Variants in PP2D1 observed in about 807,000 individuals in gnomAD.
PP2D1 encodes protein phosphatase 2C like domain containing 1.
Under a neutral mutation model 30.2 loss-of-function variants are expected in PP2D1, and 25 were observed. The observed-to-expected ratio is 0.83, with a 90% CI of 0.60 to 1.16. PP2D1 has a LOEUF of 1.16. PP2D1 is among the 50% of genes most tolerant of loss of function. PP2D1 has a pLI of 0.00. For missense variants in PP2D1, 760 were observed against 742.4 expected (o/e 1.02, Z -0.28); for synonymous variants, 260 against 258.9 (o/e 1.00, Z -0.04).
intron 2 of PP2D1, 140 bp from the exon 3 acceptor site, chr3:19,986,322 G>A: frequency 1.7e-6 from 1 of 602,580 alleles, no homozygotes; most frequent in East Asian, 2.9e-5. Flanking sequence ...TTAAATATGT[G>A]TAATATATCA....
At chr3:19,994,671 A>G (rs1184441554) in intron 2 of PP2D1, among the ~76,000 whole-genome samples, 1 of 152,226 alleles carries the variant, frequency 6.6e-6, no homozygotes, top group African/African-American at 2.4e-5. Flanking sequence ...ATACAATAAC[A>G]GTGACTGGAT....
rs1009660251 is a variant in PP2D1 at position 19,985,505 on chromosome 3, A to G, written c.1768T>C (p.Tyr590His). 3 of 1,535,994 alleles carry G rather than the reference A, an allele frequency of 2.0e-6. No homozygotes were observed. The highest frequency in any genetic ancestry group is 2.7e-5 in the African/African-American group (2 of 73,054). Residue 590 changes from tyrosine (Y) to histidine (H), a missense_variant, in exon 3 of 3, where the codon TAT becomes CAT. Around this residue, in one of 3 missense-constraint regions of PP2D1, gnomAD observed 369 missense variants for 316.2 expected, o/e 1.17. Transcript: ENST00000389050. The part of the protein sequence containing the change: ...NEKESDTKSF[Y>H]EGAAEYVSHE... Reference sequence around the variant, plus strand: ...CTAACATACTCAGCTGCGCCTTCATAGAAACTCTTAGTGTCTGATTCTTTT... The same window carrying G: ...CTAACATACTCAGCTGCGCCTTCATGGAAACTCTTAGTGTCTGATTCTTTT...
downstream of PP2D1, among the ~76,000 whole-genome samples, chr3:19,983,205 G>A (rs1017986631): frequency 6.6e-6 from 1 of 151,852 alleles, no homozygotes; most frequent in Non-Finnish European, 1.5e-5. Flanking sequence ...GTGTGGTGGG[G>A]CATGCCTGTA....
At chr3:19,981,430 A>G (rs1043413457), downstream of PP2D1, among the ~76,000 whole-genome samples, 8 of 152,094 alleles carry the variant, frequency 5.3e-5, no homozygotes, top group African/African-American at 1.9e-4. Context: ...CCGGGCCAAC[A>G]TGTCGAAACC....
At chr3:19,990,487 A>G (rs1297145743) in intron 2 of PP2D1, among the ~76,000 whole-genome samples, 1 of 145,254 alleles carries the variant, frequency 6.9e-6, no homozygotes, top group Non-Finnish European at 1.5e-5. Context: ...CATGAAGGAA[A>G]GAAAAAGTGA....
intron 1 of PP2D1, among the ~76,000 whole-genome samples, chr3:20,009,805 T>A (rs1433308306): frequency 6.6e-6 from 1 of 152,246 alleles, no homozygotes; most frequent in Non-Finnish European, 1.5e-5. Context: ...TTTGCCACTT[T>A]ATTTGTATTT....
intron 1 of PP2D1, among the ~76,000 whole-genome samples, chr3:20,003,995 G>C (rs2948103): frequency 0.21 from 32,541 of 152,028 alleles, 3,859 homozygotes; most frequent in South Asian, 0.32. Flanking sequence ...TAGTTTATAA[G>C]GTTAGTGTAA....
At chr3:19,990,753 AT>A (rs34466477) in intron 2 of PP2D1, among the ~76,000 whole-genome samples, 26,650 of 139,890 alleles carry the variant, frequency 0.19, 3,553 homozygotes, top group African/African-American at 0.4. Flanking sequence ...TTAGAGGAAG[AT>A]TTTTTTTTTT....
At chr3:19,983,361 AAAG>A (rs1319582103), downstream of PP2D1, among the ~76,000 whole-genome samples, 1 of 151,752 alleles carries the variant, frequency 6.6e-6, no homozygotes, top group East Asian at 1.9e-4. Context: ...AAAAAAAAAA[AAAG>A]AAGTAATAAT....
intron 1 of PP2D1, 149 bp from the exon 2 acceptor site, chr3:20,002,245 A>G: frequency 1.6e-6 from 1 of 619,394 alleles, no homozygotes; most frequent in Non-Finnish European, 2.8e-6. Context: ...CTCAAAAAAC[A>G]TGTAAGTACT....
In PP2D1 at chr3:20,001,553, G is replaced by A. The variant is rs772388599; in HGVS notation, c.567C>T (p.Phe189=). ...STWKADMNDK[F]TVVSNFGNKP... ...TGTTACCAAAATTACTCACTACAGT[G>A]AATTTATCATTCATGTCAGCTTTCC... The change falls in exon 2 of 3, where the codon TTC becomes TTT. Residue 189 remains phenylalanine (F), a synonymous_variant. Coordinates refer to ENST00000389050, the MANE Select transcript of PP2D1 (RefSeq NM_001252657.2). 8 of 1,536,158 alleles carry A rather than the reference G, an allele frequency of 5.2e-6. No homozygotes were observed. Among genetic ancestry groups the A allele is most frequent in the Non-Finnish European group, 7.0e-6 (8 of 1,146,912 alleles).
downstream of PP2D1, among the ~76,000 whole-genome samples, chr3:19,983,345 C>CA (rs34872300): frequency 0.15 from 14,003 of 91,864 alleles, 1,259 homozygotes; most frequent in Middle Eastern, 0.23. Context: ...GACTACATCT[C>CA]AAAAAAAAAA....
chr3:19,983,931 T>A (rs3736124), downstream of PP2D1: 1 of 744,056 alleles, frequency 1.3e-6, no homozygotes, highest in East Asian at 2.7e-5. Context: ...AAGAGACTTA[T>A]GATAGAGTCA....
intron 1 of PP2D1, among the ~76,000 whole-genome samples, chr3:20,008,600 T>C (rs1385311040): frequency 6.6e-6 from 1 of 151,854 alleles, no homozygotes; most frequent in African/African-American, 2.4e-5. Flanking sequence ...AAAAAAACTG[T>C]CCCTGGGCGG....
Position 19,985,378 on chromosome 3 carries a change from T to C in PP2D1, c.*2A>G. ...GCTCTGGATAATTGGAACTTTATTT[T>C]TTTATGTCAGAAGCTGATATTCACT... On this transcript the variant is annotated 3_prime_UTR_variant, in exon 3 of 3. Coordinates refer to ENST00000389050, the MANE Select transcript of PP2D1 (RefSeq NM_001252657.2). 2 of 1,515,564 alleles carry C rather than the reference T, an allele frequency of 1.3e-6. No individual in the cohort carries two copies. Among genetic ancestry groups the C allele is most frequent in the South Asian group, 1.2e-5 (1 of 80,888 alleles). The allele number at this position is 1,515,564 out of a possible 1,614,324, so 93.9% of individuals were successfully genotyped here. A position where few individuals can be genotyped will look rare whatever the true frequency, so the allele number is the denominator to read the frequency against.
chr3:19,988,919 G>A (rs12490848), intron 2 of PP2D1, among the ~76,000 whole-genome samples: 24,896 of 152,052 alleles, frequency 0.16, 2,681 homozygotes, highest in Non-Finnish European at 0.24. Context: ...ACAGGAGGTG[G>A]AGGTTGCAGT....
intron 1 of PP2D1, chr3:20,008,019 C>A (rs943140535): frequency 2.6e-5 from 5 of 190,242 alleles, no homozygotes; most frequent in Non-Finnish European, 4.8e-5. Flanking sequence ...AATGTGTGCC[C>A]TTCTTTCTAG....
At chr3:19,991,791 G>A in intron 2 of PP2D1, among the ~76,000 whole-genome samples, 1 of 152,142 alleles carries the variant, frequency 6.6e-6, no homozygotes. Context: ...AGAAAAGCAG[G>A]TAGAGAGGCT....
rs918490278 is a variant in PP2D1 at position 19,990,214 on chromosome 3, G to A, written c.1091-4032C>T. Among the ~76,000 whole-genome samples, 43 of 152,222 alleles carry A rather than the reference G, an allele frequency of 2.8e-4. 1 individual carries two copies. The highest frequency in any genetic ancestry group is 2.4e-3 in the Admixed American group (37 of 15,286). ...GGCTGGAGTGCAGTGGCATGATCACGGCTTACTGCAGCCTTGACCTCCCTG... is the reference window on the plus strand; with the variant it reads ...GGCTGGAGTGCAGTGGCATGATCACAGCTTACTGCAGCCTTGACCTCCCTG... On this transcript the variant is annotated intron_variant, in intron 2 of 2. Coordinates refer to ENST00000389050, the MANE Select transcript of PP2D1 (RefSeq NM_001252657.2).
Sources: allele counts gnomAD v4.1 joint callset (sites outside exome capture counted in the v4.1 genomes callset), GRCh38; gene constraint gnomAD v4.1.1; regional missense constraint gnomAD v4.1.1; transcripts MANE v1.5; gene names NCBI Gene and HGNC (gene_info 2026-07-23, HGNC 2026-07-21).